CCDC60: variants seen among roughly 807,000 people sequenced by gnomAD.
The protein encoded by CCDC60 is coiled-coil domain containing 60.
Under a neutral mutation model 63.5 loss-of-function variants are expected in CCDC60, and 54 were observed. The observed-to-expected ratio is 0.85, with a 90% CI of 0.68 to 1.07. CCDC60 has a LOEUF of 1.07. Ranked by LOEUF, CCDC60 falls within the 50% of genes least tolerant of loss-of-function variation. The pLI, the probability that CCDC60 is intolerant of heterozygous loss-of-function variation, is 0.00. For synonymous variants in CCDC60, 206 were observed against 238.8 expected, an observed-to-expected ratio of 0.86 and a Z score of 1.27; for missense variants, 651 against 684.3, an observed-to-expected ratio of 0.95 and a Z score of 0.54.
At chr12:119,385,927 A>C (rs527316048) in intron 1 of CCDC60, among the ~76,000 whole-genome samples, 1 of 152,270 alleles carries the variant, frequency 6.6e-6, no homozygotes, top group Non-Finnish European at 1.5e-5. Flanking sequence ...TAGTCCCTTT[A>C]TTCAACTCCT....
chr12:119,524,303 T>C (rs967766197), intron 11 of CCDC60: 16 of 211,754 alleles, frequency 7.6e-5, no homozygotes, highest in African/African-American at 3.5e-4. Context: ...GCCAGAGTTA[T>C]GATGCGGGAT....
chr12:119,462,371 G>A (rs553876710), intron 2 of CCDC60, among the ~76,000 whole-genome samples: 1 of 152,256 alleles, frequency 6.6e-6, no homozygotes, highest in East Asian at 1.9e-4. Flanking sequence ...TTAGGATTGT[G>A]TTTACCTCTT....
At chr12:119,508,456 G>C (rs889191447) in intron 7 of CCDC60, among the ~76,000 whole-genome samples, 3 of 151,882 alleles carry the variant, frequency 2.0e-5, no homozygotes, top group African/African-American at 7.3e-5. Flanking sequence ...ACTCCAGCCT[G>C]GCAACAAAGC....
chr12:119,339,542 TGG>T (rs56315252), intron 1 of CCDC60, among the ~76,000 whole-genome samples: 7 of 151,850 alleles, frequency 4.6e-5, no homozygotes, highest in African/African-American at 1.5e-4. Context: ...CTGAACACTT[TGG>T]GGGGGGCCGA....
chr12:119,388,068 G>A (rs573228816), intron 1 of CCDC60: 1 of 152,176 alleles, frequency 6.6e-6, no homozygotes. Flanking sequence ...TTAATTCATC[G>A]GCTCAATGTC....
intron 1 of CCDC60, among the ~76,000 whole-genome samples, chr12:119,358,795 T>C (rs148810108): frequency 6.6e-6 from 1 of 152,360 alleles, no homozygotes; most frequent in East Asian, 1.9e-4. Context: ...CATTGCTATA[T>C]AGTATTCTAC....
intron 2 of CCDC60, among the ~76,000 whole-genome samples, chr12:119,468,433 T>C (rs1416272360): frequency 6.6e-6 from 1 of 152,196 alleles, no homozygotes; most frequent in Non-Finnish European, 1.5e-5. Flanking sequence ...TATTTTGCAA[T>C]GACAAGAACA....
chr12:119,504,817 A>G lies in CCDC60; in HGVS notation c.649-252A>G, dbSNP rs78164831. Among the ~76,000 whole-genome samples, 1,254 of 152,338 alleles carry G rather than the reference A, an allele frequency of 8.2e-3. 13 individuals are homozygous for G. The highest frequency in any genetic ancestry group is 0.029 in the African/African-American group (1,204 of 41,574). On this transcript the variant is annotated intron_variant, in intron 6 of 13. Transcript: ENST00000327554. ...TCTTGGGCAACCATGAGCTCGTTCA[A>G]TAGAATATACTCCACCACATTTGCT...
intron 1 of CCDC60, among the ~76,000 whole-genome samples, chr12:119,362,513 G>C (rs921616897): frequency 2.6e-4 from 40 of 152,066 alleles, no homozygotes; most frequent in African/African-American, 8.9e-4. Context: ...TGAAATCATA[G>C]GGTATATATT....
chr12:119,480,884 TCAC>T (rs1387093281), intron 4 of CCDC60, among the ~76,000 whole-genome samples: 7 of 147,498 alleles, frequency 4.7e-5, no homozygotes, highest in Non-Finnish European at 9.0e-5. Context: ...ACCATCATCA[TCAC>T]CACCATCATC....
intron 1 of CCDC60, among the ~76,000 whole-genome samples, chr12:119,344,253 AG>A (rs1955563815): frequency 6.6e-6 from 1 of 152,110 alleles, no homozygotes; most frequent in Non-Finnish European, 1.5e-5. Context: ...AAATGTCCTC[AG>A]GGGGCAAGAC....
At chr12:119,496,975 T>C (rs1951728219) in intron 5 of CCDC60, among the ~76,000 whole-genome samples, 1 of 152,192 alleles carries the variant, frequency 6.6e-6, no homozygotes, top group Non-Finnish European at 1.5e-5. Flanking sequence ...CAAAAAAAGC[T>C]TGTTCCTTGG....
At chr12:119,392,123 T>C (rs888869415) in intron 1 of CCDC60, among the ~76,000 whole-genome samples, 1 of 152,170 alleles carries the variant, frequency 6.6e-6, no homozygotes, top group Non-Finnish European at 1.5e-5. Flanking sequence ...GAAAGGGGTG[T>C]CCTGTGGAGT....
At chr12:119,347,344 A>C (rs1298126652) in intron 1 of CCDC60, among the ~76,000 whole-genome samples, 2 of 152,182 alleles carry the variant, frequency 1.3e-5, no homozygotes, top group Non-Finnish European at 2.9e-5. Flanking sequence ...ATTGGGTTGA[A>C]TACTTTGAGT....
chr12:119,375,491 G>A (rs1037933045), intron 1 of CCDC60, among the ~76,000 whole-genome samples: 3 of 152,022 alleles, frequency 2.0e-5, no homozygotes, highest in Non-Finnish European at 4.4e-5. Context: ...GTCTTTGCTG[G>A]GCCACATCCC....
At chr12:119,528,843 G>A (rs889451560) in intron 12 of CCDC60, 97 bp downstream of exon 12, 2 of 1,299,800 alleles carry the variant, frequency 1.5e-6, no homozygotes, top group Non-Finnish European at 2.1e-6. Flanking sequence ...TCAAGGCATA[G>A]AGAGGCATTA....
chr12:119,455,698 A>C (rs898895687), intron 2 of CCDC60, among the ~76,000 whole-genome samples: 3 of 151,812 alleles, frequency 2.0e-5, no homozygotes, highest in African/African-American at 7.3e-5. Flanking sequence ...ACTGCACTCC[A>C]GTATGGACAA....
chr12:119,475,460 C>T (rs937304096), intron 3 of CCDC60, among the ~76,000 whole-genome samples: 1 of 152,168 alleles, frequency 6.6e-6, no homozygotes. Context: ...TGAGATCGCT[C>T]CTCTTGTAGA....
intron 2 of CCDC60, among the ~76,000 whole-genome samples, chr12:119,461,614 G>A (rs938024749): frequency 7.2e-5 from 11 of 152,160 alleles, no homozygotes; most frequent in African/African-American, 2.7e-4. Context: ...AGAAGAAATT[G>A]TATTGCATAG....
Sources: gnomAD v4.1 joint callset for allele counts (sites outside exome capture counted in the v4.1 genomes callset) on GRCh38, gnomAD v4.1.1 for gene constraint, MANE v1.5 for transcripts, NCBI Gene and HGNC (gene_info 2026-07-23, HGNC 2026-07-21) for gene names.